IGFL2: variants seen among roughly 807,000 people sequenced by gnomAD.
IGFL2 encodes IGF like family member 2.
In IGFL2, 7 loss-of-function variants were observed where a neutral mutation model predicts 13.9. That is an observed-to-expected ratio of 0.51 (90% CI 0.29 to 0.95). The LOEUF (loss-of-function observed/expected upper bound fraction) is 0.95. Ranked by LOEUF, IGFL2 falls within the 40% of genes least tolerant of loss-of-function variation. IGFL2 has a pLI of 0.08. For synonymous variants in IGFL2, 55 were observed against 55.8 expected (o/e 0.99, Z 0.07); for missense variants, 138 against 147.8 (o/e 0.93, Z 0.34).
chr19:46,087,928 A>ACT, the IGFL2 span, among the ~76,000 whole-genome samples: 1 of 152,020 alleles, frequency 6.6e-6, no homozygotes, highest in South Asian at 2.1e-4. Context: ...AGGACTTAGG[A>ACT]GTTTGTGGGA....
the IGFL2 span, among the ~76,000 whole-genome samples, chr19:46,082,450 C>G: frequency 6.6e-6 from 1 of 152,150 alleles, no homozygotes; most frequent in African/African-American, 2.4e-5. Context: ...TCAGTGCATA[C>G]TAAACCTCTG....
the IGFL2 span, among the ~76,000 whole-genome samples, chr19:46,177,414 A>C: frequency 1.3e-5 from 2 of 152,192 alleles, no homozygotes; most frequent in South Asian, 2.1e-4. Context: ...CAGATAGTTT[A>C]CTTAATCCTT....
the IGFL2 span, among the ~76,000 whole-genome samples, chr19:46,176,104 C>T: frequency 2.1e-5 from 3 of 146,202 alleles, no homozygotes; most frequent in East Asian, 2.0e-4. Context: ...CTGCCCGCCT[C>T]GGCCTCCTAA....
At chr19:46,127,207 G>A in the IGFL2 span, among the ~76,000 whole-genome samples, 3 of 152,062 alleles carry the variant, frequency 2.0e-5, no homozygotes, top group African/African-American at 7.2e-5. Context: ...GCAACAAAGC[G>A]AGACCCTGTC....
At chr19:46,166,043 G>C (rs181255621), downstream of IGFL2, among the ~76,000 whole-genome samples, 1 of 152,302 alleles carries the variant, frequency 6.6e-6, no homozygotes, top group East Asian at 1.9e-4. Flanking sequence ...GAAATCAGCA[G>C]GTGGACTAGC....
At chr19:46,160,363 C>G in intron 1 of IGFL2, 52 bp from the exon 2 acceptor site, 2 of 1,546,516 alleles carry the variant, frequency 1.3e-6, no homozygotes, top group South Asian at 1.1e-5. Context: ...TGAGATCAAC[C>G]TAGTGGCCAC....
chr19:46,095,218 AT>A, the IGFL2 span, among the ~76,000 whole-genome samples: 1 of 152,194 alleles, frequency 6.6e-6, no homozygotes, highest in African/African-American at 2.4e-5. Flanking sequence ...AATAATCACC[AT>A]TCTGACTGGC....
chr19:46,172,727 AT>A, the IGFL2 span, among the ~76,000 whole-genome samples: 1 of 151,806 alleles, frequency 6.6e-6, no homozygotes. Flanking sequence ...ATATATATAT[AT>A]TTTTTTTCAG....
At chr19:46,155,326 A>T (rs1360432591) in intron 1 of IGFL2, among the ~76,000 whole-genome samples, 1 of 152,142 alleles carries the variant, frequency 6.6e-6, no homozygotes, top group Non-Finnish European at 1.5e-5. Context: ...GGAGAGGTGG[A>T]GTCCCATTTT....
the IGFL2 span, among the ~76,000 whole-genome samples, chr19:46,124,867 G>C: frequency 6.6e-6 from 1 of 150,676 alleles, no homozygotes; most frequent in African/African-American, 2.5e-5. Context: ...GGTGGCGTAA[G>C]GGACCACAGA....
At chr19:46,161,561 C>T (rs537213115), downstream of IGFL2, among the ~76,000 whole-genome samples, 92 of 152,212 alleles carry the variant, frequency 6.0e-4, no homozygotes, top group Middle Eastern at 6.8e-3. Context: ...TTGAATTGAA[C>T]CCTTTACCAT....
At chr19:46,170,135 C>T in the IGFL2 span, among the ~76,000 whole-genome samples, 4 of 151,850 alleles carry the variant, frequency 2.6e-5, no homozygotes, top group Non-Finnish European at 4.4e-5. Context: ...AATGACATGT[C>T]CAGGGTAGCT....
At chr19:46,142,712 A>G (rs1046919055), upstream of IGFL2, among the ~76,000 whole-genome samples, 2 of 152,212 alleles carry the variant, frequency 1.3e-5, no homozygotes, top group Non-Finnish European at 2.9e-5. Context: ...GGTAGGGAAG[A>G]TGAGAGATAC....
chr19:46,183,520 T>C, the IGFL2 span, among the ~76,000 whole-genome samples: 1 of 150,764 alleles, frequency 6.6e-6, no homozygotes, highest in East Asian at 1.9e-4. Context: ...CCCTACTCTG[T>C]CTCTCCTTTC....
At chr19:46,094,205 A>AG in the IGFL2 span, among the ~76,000 whole-genome samples, 1 of 152,122 alleles carries the variant, frequency 6.6e-6, no homozygotes, top group Non-Finnish European at 1.5e-5. Context: ...AGTAATCAAG[A>AG]CAGTATCTTA....
chr19:46,175,468 A>G, the IGFL2 span, among the ~76,000 whole-genome samples: 1 of 152,184 alleles, frequency 6.6e-6, no homozygotes, highest in African/African-American at 2.4e-5. Context: ...CTCTGGTGCA[A>G]AATTTAAGAG....
chr19:46,148,217 C>T, upstream of IGFL2: 1 of 1,471,056 alleles, frequency 6.8e-7, no homozygotes, highest in Non-Finnish European at 9.3e-7. Flanking sequence ...CTACATAAGT[C>T]CCTGTATAAA....
the IGFL2 span, chr19:46,124,060 GCAT>G: frequency 2.5e-6 from 4 of 1,611,540 alleles, no homozygotes; most frequent in Admixed American, 1.7e-5. Context: ...GGATAAGATG[GCAT>G]CATCATAACA....
chr19:46,201,874 C>T, the IGFL2 span, among the ~76,000 whole-genome samples: 1 of 150,838 alleles, frequency 6.6e-6, no homozygotes, highest in Admixed American at 6.6e-5. Context: ...TTGACTCTGC[C>T]TTCAGCTCCA....
Sources: gnomAD v4.1 joint callset for allele counts (sites outside exome capture counted in the v4.1 genomes callset) on GRCh38, gnomAD v4.1.1 for gene constraint, MANE v1.5 for transcripts, NCBI Gene and HGNC (gene_info 2026-07-23, HGNC 2026-07-21) for gene names.